Variants in PRRC2B observed in about 807,000 individuals in gnomAD.
PRRC2B encodes protein PRRC2B.
Under a neutral mutation model 242.3 loss-of-function variants are expected in PRRC2B, and 68 were observed. The observed-to-expected ratio is 0.28, with a 90% CI of 0.23 to 0.34. PRRC2B has a LOEUF of 0.34. Among genes scored for constraint, PRRC2B ranks in the 10% least tolerant of loss-of-function variants. The probability of loss-of-function intolerance (pLI) is 1.00; values close to 1 mark genes in which losing one functional copy is unlikely to be tolerated. For synonymous variants in PRRC2B, 1,228 were observed against 1,173.6 expected (o/e 1.05, Z -0.95); for missense variants, 2,835 against 2,954.8 (o/e 0.96, Z 0.94).
chr9:131,395,554 T>A (rs1409623378), intron 1 of PRRC2B, among the ~76,000 whole-genome samples: 2 of 152,094 alleles, frequency 1.3e-5, no homozygotes, highest in African/African-American at 4.8e-5. Context: ...CCTGGCAGGT[T>A]TGGGCAGCGG....
intron 1 of PRRC2B, among the ~76,000 whole-genome samples, chr9:131,418,577 T>G (rs1044174051): frequency 9.2e-5 from 14 of 152,318 alleles, no homozygotes; most frequent in East Asian, 1.9e-4. Flanking sequence ...CTGATTTGTC[T>G]TCTTCTTTTG....
Position 131,488,013 on chromosome 9 carries a change from A to C in PRRC2B, c.6142A>C (p.Asn2048His). 1 of 1,612,436 alleles carries C rather than the reference A, an allele frequency of 6.2e-7. No homozygotes were observed. Among genetic ancestry groups the C allele is most frequent in the Non-Finnish European group, 8.5e-7 (1 of 1,179,284 alleles). Reference protein sequence around the residue: ...SGSPYQPMSGNQALVYEGQLS... With the variant: ...SGSPYQPMSGHQALVYEGQLS... ...CTCACCCTACCAGCCCATGAGCGGG[A>C]ACCAAGCCCTGGTCTACGAGGGCCA... The change falls in exon 28 of 32, where the codon AAC becomes CAC. Residue 2048 changes from asparagine to histidine, a missense_variant. Physicochemically the swap from Asn to His is moderately conservative, Grantham distance 68 (BLOSUM62 1). Around this residue, in one of 7 missense-constraint regions of PRRC2B, gnomAD observed 574 missense variants for 626.0 expected, o/e 0.92. Transcript: ENST00000683519.
intron 1 of PRRC2B, among the ~76,000 whole-genome samples, chr9:131,375,885 C>T (rs1485490393): frequency 6.6e-6 from 1 of 151,892 alleles, no homozygotes; most frequent in Non-Finnish European, 1.5e-5. Flanking sequence ...CCTGTCTCTA[C>T]TAAAAATACA....
At chr9:131,439,658 GA>G (rs747181456) in intron 5 of PRRC2B, among the ~76,000 whole-genome samples, 2 of 152,146 alleles carry the variant, frequency 1.3e-5, no homozygotes, top group Non-Finnish European at 2.9e-5. Flanking sequence ...CTTATGGGTT[GA>G]AATCCCTGTG....
At chr9:131,438,910 A>G in intron 4 of PRRC2B, 79 bp from the exon 5 acceptor site, 1 of 1,137,234 alleles carries the variant, frequency 8.8e-7, no homozygotes, top group Non-Finnish European at 1.3e-6. Flanking sequence ...CTGGCCTCTC[A>G]GCACCTTGTT....
In PRRC2B at chr9:131,439,003, G is replaced by T; in HGVS notation, c.411G>T (p.Val137=). ...QSISQENTNS[V]PGGPKSWAQL... is the part of the protein sequence containing the mutation. ...CCTTCTTTCAGAATACAAATTCAGT[G>T]CCAGGTGGACCAAAGTCATGGGCAC... is the stretch of plus-strand genomic sequence containing the variant. Residue 137 remains valine (V), a synonymous_variant, in exon 5 of 32, where the codon GTG becomes GTT. Transcript: ENST00000683519. The T allele has an allele frequency of 1.9e-6, 3 of 1,613,356 alleles. No individual in the cohort carries two copies. Among genetic ancestry groups the T allele is most frequent in the South Asian group, 2.2e-5 (2 of 90,950 alleles).
At chr9:131,414,289 G>A (rs1222976412) in intron 1 of PRRC2B, among the ~76,000 whole-genome samples, 1 of 150,112 alleles carries the variant, frequency 6.7e-6, no homozygotes, top group African/African-American at 2.4e-5. Flanking sequence ...AAACATGAAA[G>A]ATAAAACAAT....
intron 1 of PRRC2B, among the ~76,000 whole-genome samples, chr9:131,396,195 G>A (rs1233211795): frequency 5.3e-5 from 8 of 152,076 alleles, no homozygotes; most frequent in African/African-American, 1.9e-4. Flanking sequence ...GTGATGAAAT[G>A]TATGTGTTTG....
At position 131,464,779 on chromosome 9, in the gene PRRC2B, G is replaced by T. The variant is rs1201152583; in HGVS notation, c.1421G>T (p.Ser474Ile). Residue 474 changes from serine to isoleucine, a missense_variant, in exon 12 of 32, where the codon AGC becomes ATC. Physicochemically the swap from Ser to Ile is moderately radical, Grantham distance 142. Coordinates refer to ENST00000683519, the MANE Select transcript of PRRC2B (RefSeq NM_013318.4). ...TCTTGGCAGAAGTCATCAATGGGCA[G>T]CATGTTCCGGCAACAGTCCATCGAG... ...GPDYQKSSMG[S>I]MFRQQSIEDK... 1 of 1,597,618 alleles carries T rather than the reference G, an allele frequency of 6.3e-7. No individual in the cohort carries two copies. Among genetic ancestry groups the T allele is most frequent in the Admixed American group, 1.7e-5 (1 of 58,936 alleles).
At chr9:131,390,693 A>G (rs575243059), upstream of PRRC2B, among the ~76,000 whole-genome samples, 3 of 150,074 alleles carry the variant, frequency 2.0e-5, no homozygotes, top group Admixed American at 1.3e-4. Context: ...CATGTTAGCC[A>G]GGATGGTCTC....
intron 28 of PRRC2B, among the ~76,000 whole-genome samples, chr9:131,489,907 C>T (rs1944138288): frequency 1.3e-5 from 2 of 151,708 alleles, no homozygotes; most frequent in South Asian, 2.1e-4. Flanking sequence ...TCCTGGCTTT[C>T]CTGCTGCCTC....
At chr9:131,466,245 T>A (rs554631463) in intron 12 of PRRC2B, among the ~76,000 whole-genome samples, 1 of 152,384 alleles carries the variant, frequency 6.6e-6, no homozygotes, top group South Asian at 2.1e-4. Flanking sequence ...CTAGTTTTTC[T>A]TCTGCCCTCC....
At chr9:131,495,585 G>A (rs1204608410) in intron 31 of PRRC2B, among the ~76,000 whole-genome samples, 155 bp from the exon 32 acceptor site, 1 of 152,198 alleles carries the variant, frequency 6.6e-6, no homozygotes, top group Non-Finnish European at 1.5e-5. Flanking sequence ...CTTACTAGGA[G>A]GGGGGTTTCT....
At position 131,476,609 on chromosome 9, in the gene PRRC2B, T is replaced by TGCCGATGCCGCC; in HGVS notation, c.4406+76_4406+87dup. ...CAGCAGCACTGAGTTCACGCATGCA[T>TGCCGATGCCGCC]GCCGATGCCGCCGTGTGTCGGGGCT... is the stretch of plus-strand genomic sequence containing the variant. On this transcript the variant is annotated intron_variant, in intron 16 of 31. Coordinates refer to ENST00000683519, the MANE Select transcript of PRRC2B (RefSeq NM_013318.4). The TGCCGATGCCGCC allele has an allele frequency of 3.6e-5, 49 of 1,370,262 alleles. 1 individual carries two copies. The South Asian group carries it at 7.0e-4, about 20-fold the overall frequency. 84.9% of individuals were successfully genotyped at this position (1,370,262 alleles called of 1,614,324 possible).
chr9:131,412,184 G>T (rs1294158996), intron 1 of PRRC2B, among the ~76,000 whole-genome samples: 12 of 152,212 alleles, frequency 7.9e-5, no homozygotes, highest in African/African-American at 2.6e-4. Flanking sequence ...TATCTTGATG[G>T]GCTTGATCTA....
At chr9:131,435,653 A>G (rs1337194037) in intron 3 of PRRC2B, among the ~76,000 whole-genome samples, 1 of 151,184 alleles carries the variant, frequency 6.6e-6, no homozygotes, top group Non-Finnish European at 1.5e-5. Context: ...AAAAATTCTT[A>G]TTGCAGTTGT....
Position 131,394,153 on chromosome 9 carries a change from C to G in PRRC2B, c.-162C>G, listed in dbSNP as rs1196057505. ...CGGGAGGAGGGAGGGAGCGAGCGAG[C>G]GAGCAGCCCGCGCCGCCGCCTCGCA... On this transcript the variant is annotated 5_prime_UTR_variant, in exon 1 of 32. Transcript: ENST00000683519. 1.3e-5 allele frequency: 2 copies of G among 149,154 alleles called. No individual in the cohort carries two copies. Among genetic ancestry groups the G allele is most frequent in the East Asian group, 3.9e-4 (2 of 5,106 alleles). 9.2% of individuals were successfully genotyped at this position (149,154 alleles called of 1,614,324 possible). A position where few individuals can be genotyped will look rare whatever the true frequency, so the allele number is the denominator to read the frequency against.
At chr9:131,400,179 GC>G (rs1837190520) in intron 1 of PRRC2B, among the ~76,000 whole-genome samples, 1 of 152,088 alleles carries the variant, frequency 6.6e-6, no homozygotes, top group Admixed American at 6.6e-5. Flanking sequence ...TGCATCCTGG[GC>G]TCAAATGATC....
intron 1 of PRRC2B, among the ~76,000 whole-genome samples, chr9:131,421,582 C>T (rs1218524626): frequency 1.3e-5 from 2 of 152,230 alleles, no homozygotes; most frequent in Non-Finnish European, 2.9e-5. Flanking sequence ...GACATTCCAC[C>T]TTTCTCTCTC....
Sources: allele counts gnomAD v4.1 joint callset (sites outside exome capture counted in the v4.1 genomes callset), GRCh38; gene constraint gnomAD v4.1.1; regional missense constraint gnomAD v4.1.1; transcripts MANE v1.5; gene names NCBI Gene and HGNC (gene_info 2026-07-23, HGNC 2026-07-21).